Variants in UPK1A observed in about 807,000 individuals in gnomAD.
The protein encoded by UPK1A is uroplakin 1A, also known as uroplakin-1a.
Under a neutral mutation model 32.3 loss-of-function variants are expected in UPK1A, and 31 were observed. That is an observed-to-expected ratio of 0.96 (90% CI 0.72 to 1.30). The LOEUF is 1.30. UPK1A is among the 50% of genes most tolerant of loss of function. The probability of loss-of-function intolerance (pLI) is 0.00; values close to 1 mark genes in which losing one functional copy is unlikely to be tolerated. For missense variants in UPK1A, 340 were observed against 357.4 expected, an observed-to-expected ratio of 0.95 and a Z score of 0.39; for synonymous variants, 135 against 137.1, an observed-to-expected ratio of 0.98 and a Z score of 0.11.
chr19:35,670,230 G>C (rs975974532), intron 3 of UPK1A, among the ~76,000 whole-genome samples: 4 of 152,158 alleles, frequency 2.6e-5, no homozygotes, highest in African/African-American at 7.2e-5. Flanking sequence ...GAGGAGGTTG[G>C]GGGGTGAGAG....
intron 3 of UPK1A, among the ~76,000 whole-genome samples, chr19:35,671,618 T>C (rs112812641): frequency 0.1 from 14,654 of 147,082 alleles, 847 homozygotes; most frequent in East Asian, 0.23. Context: ...CCACCACGCC[T>C]GGTTAATTTT....
At chr19:35,678,181 C>T in exon 8 of UPK1A, 1 of 917,864 alleles carries the variant, frequency 1.1e-6, no homozygotes, top group South Asian at 1.9e-5. Context: ...CTGAGCCCTA[C>T]TGTGTCTCAG....
In UPK1A at chr19:35,666,966, T is replaced by TG. The variant is rs762892355; in HGVS notation, c.84+75dup. 17 of 1,477,564 alleles carry TG rather than the reference T, an allele frequency of 1.2e-5. No homozygotes were observed. In the East Asian group the frequency reaches 3.7e-4, roughly 32 times the overall value. The allele number at this position is 1,477,564 out of a possible 1,614,324, so 91.5% of individuals were successfully genotyped here. On this transcript the variant is annotated intron_variant, in intron 2 of 7. Transcript: ENST00000617999. Reference sequence around the variant, plus strand: ...GGAGGGGACAGTCCTGAGCTCGGGGTGGGGGATGAGGGTCCAGAACTGTCT... The same window carrying TG: ...GGAGGGGACAGTCCTGAGCTCGGGGTGGGGGGATGAGGGTCCAGAACTGTCT...
At chr19:35,671,402 T>C (rs1374702342) in intron 3 of UPK1A, among the ~76,000 whole-genome samples, 1 of 116,758 alleles carries the variant, frequency 8.6e-6, no homozygotes, top group Non-Finnish European at 1.7e-5. Context: ...AAAAAAAAAA[T>C]TGTGTCTGTT....
At chr19:35,667,709 G>C (rs185400271) in intron 2 of UPK1A, among the ~76,000 whole-genome samples, 97 of 152,100 alleles carry the variant, frequency 6.4e-4, no homozygotes, top group Middle Eastern at 3.4e-3. Context: ...GGCCAGGCTG[G>C]TCTTGAACTC....
Position 35,668,183 on chromosome 19 carries a change from CA to C in UPK1A, c.85-270del, listed in dbSNP as rs60501559. On this transcript the variant is annotated intron_variant, in intron 2 of 7. Coordinates refer to ENST00000617999, the Ensembl canonical transcript of UPK1A. ...GATGGACCAAGCATCTCCTCTGTGCCAGTCCACTGCTCCAGCCTTTCCACGT... is the reference window on the plus strand; with the variant it reads ...GATGGACCAAGCATCTCCTCTGTGCCGTCCACTGCTCCAGCCTTTCCACGT... The C allele has an allele frequency of 1.9e-4, 101 of 528,830 alleles. No homozygotes were observed. In the East Asian group the frequency reaches 3.5e-3, roughly 18 times the overall value. The allele number at this position is 528,830 out of a possible 1,614,324, so 32.8% of individuals were successfully genotyped here.
At position 35,673,422 on chromosome 19, in the gene UPK1A, T is replaced by A; in HGVS notation, c.361-16T>A. On this transcript the variant is annotated splice_polypyrimidine_tract_variant and intron_variant, in intron 4 of 7. Transcript: ENST00000617999. ...ACCCAGCCCTGCCGGCCCTTGTTCT[T>A]CCCTGTTCTCCTCAGATGGTGTCCA... is the stretch of plus-strand genomic sequence containing the variant. 1 of 1,613,448 alleles carries A rather than the reference T, an allele frequency of 6.2e-7. No homozygotes were observed. Among genetic ancestry groups the A allele is most frequent in the Non-Finnish European group, 8.5e-7 (1 of 1,179,698 alleles).
chr19:35,666,914 G>A lies in UPK1A; in HGVS notation c.84+18G>A. 6.2e-7 allele frequency: 1 copy of A among 1,613,688 alleles called. No homozygotes were observed. The highest frequency in any genetic ancestry group is 8.5e-7 in the Non-Finnish European group (1 of 1,179,698). Reference sequence around the variant, plus strand: ...TTATTCTGGTGAGACTCGCCCCAGTGCTGGGAGCCGAGTGGTTGTGTGGTG... The same window carrying A: ...TTATTCTGGTGAGACTCGCCCCAGTACTGGGAGCCGAGTGGTTGTGTGGTG... On this transcript the variant is annotated intron_variant, in intron 2 of 7. Transcript: ENST00000617999.
intron 3 of UPK1A, among the ~76,000 whole-genome samples, chr19:35,672,716 A>G (rs912662838): frequency 6.6e-6 from 1 of 152,000 alleles, no homozygotes; most frequent in African/African-American, 2.4e-5. Flanking sequence ...TAACACTACC[A>G]CTAGTAGTAA....
intron 5 of UPK1A, among the ~76,000 whole-genome samples, 180 bp downstream of exon 5, chr19:35,673,725 G>A (rs1968139277): frequency 6.6e-6 from 1 of 152,132 alleles, no homozygotes; most frequent in Non-Finnish European, 1.5e-5. Flanking sequence ...GGCCCAGAAA[G>A]GGAAAGTCCC....
At chr19:35,666,780 C>T (rs1419508877) in intron 1 of UPK1A, 29 bp from the exon 2 acceptor site, 2 of 1,612,174 alleles carry the variant, frequency 1.2e-6, no homozygotes, top group Non-Finnish European at 1.7e-6. Context: ...CTTTACGCTC[C>T]TGGCCTCATC....
At chr19:35,675,864 C>G in exon 6 of UPK1A, 1 of 1,613,652 alleles carries the variant, frequency 6.2e-7, no homozygotes, top group South Asian at 1.1e-5. Flanking sequence ...CACATCTGGT[C>G]CCATGGACTG....
chr19:35,666,833 G>A (rs759565315), exon 2 of UPK1A: 46 of 1,614,040 alleles, frequency 2.8e-5, no homozygotes, highest in Admixed American at 5.0e-5. Context: ...CGGCAGCAGC[G>A]GAGGCCGAGA....
At chr19:35,674,454 G>T (rs965763579) in intron 5 of UPK1A, among the ~76,000 whole-genome samples, 17 of 151,652 alleles carry the variant, frequency 1.1e-4, no homozygotes, top group African/African-American at 3.9e-4. Flanking sequence ...AGCCAGGATG[G>T]TCTTGATCTC....
At chr19:35,669,655 A>C (rs1968055678) in intron 3 of UPK1A, among the ~76,000 whole-genome samples, 1 of 152,078 alleles carries the variant, frequency 6.6e-6, no homozygotes, top group Non-Finnish European at 1.5e-5. Flanking sequence ...TGGATGACAA[A>C]GCGAGACTCC....
chr19:35,672,579 G>T (rs1174217555), intron 3 of UPK1A, among the ~76,000 whole-genome samples: 2 of 150,878 alleles, frequency 1.3e-5, no homozygotes, highest in African/African-American at 4.9e-5. Flanking sequence ...TGTTTGTTTT[G>T]TTTTAAGAGA....
chr19:35,675,769 C>T, intron 5 of UPK1A, 71 bp from the exon 6 acceptor site: 1 of 1,519,982 alleles, frequency 6.6e-7, no homozygotes, highest in Non-Finnish European at 8.9e-7. Flanking sequence ...CCCCTCCTTG[C>T]TGTGTGACCT....
At chr19:35,677,772 C>T in intron 6 of UPK1A, 40 bp from the exon 7 acceptor site, 1 of 1,610,340 alleles carries the variant, frequency 6.2e-7, no homozygotes, top group South Asian at 1.1e-5. Flanking sequence ...CGGCTACCCT[C>T]ATGGGCGTCT....
At chr19:35,671,510 T>C (rs1395599982) in intron 3 of UPK1A, among the ~76,000 whole-genome samples, 1 of 128,702 alleles carries the variant, frequency 7.8e-6, no homozygotes, top group Non-Finnish European at 1.6e-5. Flanking sequence ...CAGGCTGGAG[T>C]GCAGTGGTGC....
Sources: allele counts gnomAD v4.1 joint callset (sites outside exome capture counted in the v4.1 genomes callset), GRCh38; gene constraint gnomAD v4.1.1; transcripts MANE v1.5; gene names NCBI Gene and HGNC (gene_info 2026-07-23, HGNC 2026-07-21).